BBX: variants seen among roughly 807,000 people sequenced by gnomAD.
The protein encoded by BBX is HMG box transcription factor BBX.
In BBX, 30 loss-of-function variants were observed where a neutral mutation model predicts 100.2. The ratio of observed to expected loss-of-function variants is 0.30; its 90% confidence interval spans 0.22 to 0.41. The LOEUF is 0.41. Ranked by LOEUF, BBX falls within the 10% of genes least tolerant of loss-of-function variation. The pLI is 1.00. For missense variants in BBX, 1,023 were observed against 1,129.8 expected, an observed-to-expected ratio of 0.91 and a Z score of 1.35; for synonymous variants, 376 against 388.1, an observed-to-expected ratio of 0.97 and a Z score of 0.37.
At chr3:107,701,150 G>A (rs1053628518) in intron 3 of BBX, among the ~76,000 whole-genome samples, 1 of 152,126 alleles carries the variant, frequency 6.6e-6, no homozygotes, top group Admixed American at 6.5e-5. Context: ...GTGTGAGATG[G>A]TATCTCGTTG....
intron 10 of BBX, among the ~76,000 whole-genome samples, chr3:107,770,800 T>C (rs76282863): frequency 0.021 from 3,246 of 152,284 alleles, 50 homozygotes; most frequent in South Asian, 0.048. Context: ...CTCCACCCTT[T>C]CTTTAATTTC....
chr3:107,746,617 C>G (rs140621323), intron 8 of BBX, among the ~76,000 whole-genome samples: 23 of 151,966 alleles, frequency 1.5e-4, no homozygotes, highest in African/African-American at 5.1e-4. Context: ...AGTCTCTCTA[C>G]TAATTTTTTT....
intron 5 of BBX, among the ~76,000 whole-genome samples, chr3:107,718,177 A>G (rs1249518516): frequency 2.7e-5 from 4 of 148,224 alleles, no homozygotes; most frequent in East Asian, 1.9e-4. Flanking sequence ...TTATATTACC[A>G]TAATTATTAA....
intron 2 of BBX, among the ~76,000 whole-genome samples, chr3:107,543,836 AAAG>A (rs747368504): frequency 1.3e-5 from 2 of 152,200 alleles, no homozygotes; most frequent in Non-Finnish European, 2.9e-5. Context: ...GATGAGGAGA[AAAG>A]AAGTTTGTAA....
intron 4 of BBX, among the ~76,000 whole-genome samples, chr3:107,714,770 T>C (rs2061982289): frequency 6.6e-6 from 1 of 152,126 alleles, no homozygotes; most frequent in Non-Finnish European, 1.5e-5. Context: ...TTGATTGCAT[T>C]TGAAATACTT....
At chr3:107,707,116 A>G (rs1164737933) in intron 3 of BBX, among the ~76,000 whole-genome samples, 5 of 152,210 alleles carry the variant, frequency 3.3e-5, no homozygotes, top group East Asian at 1.9e-4. Flanking sequence ...CATCTGAGGT[A>G]TACCATTTCC....
intron 2 of BBX, among the ~76,000 whole-genome samples, chr3:107,633,637 G>A (rs557134597): frequency 1.0e-3 from 158 of 152,324 alleles, no homozygotes; most frequent in African/African-American, 3.7e-3. Flanking sequence ...TAAGGCCTCA[G>A]TGCCCTGCAC....
Position 107,810,906 on chromosome 3 carries a change from C to G in BBX, c.*5449C>G, listed in dbSNP as rs112576336. 4.2e-5 allele frequency: 6 copies of G among 144,256 alleles called. No individual in the cohort carries two copies. The highest frequency in any genetic ancestry group is 1.2e-4 in the African/African-American group (5 of 40,858). 8.9% of individuals were successfully genotyped at this position (144,256 alleles called of 1,614,324 possible). The stretch of plus-strand genomic sequence containing the variant: ...GTTGACAGTTTCAGCATGACTGAAT[C>G]GCTCATTTTTTTTTTTTGCTTTCAG... On this transcript the variant is annotated 3_prime_UTR_variant, in exon 18 of 18. Coordinates refer to ENST00000325805, the MANE Select transcript of BBX (RefSeq NM_001142568.3).
At chr3:107,587,686 C>G (rs184072966) in intron 2 of BBX, among the ~76,000 whole-genome samples, 1 of 152,150 alleles carries the variant, frequency 6.6e-6, no homozygotes, top group African/African-American at 2.4e-5. Context: ...CGGGCCCCAA[C>G]TGAAATCATT....
intron 2 of BBX, among the ~76,000 whole-genome samples, chr3:107,583,540 A>G (rs899962194): frequency 1.3e-5 from 2 of 151,954 alleles, no homozygotes; most frequent in Non-Finnish European, 2.9e-5. Context: ...TATAGTATGT[A>G]ATGATCAAAT....
At chr3:107,713,685 A>G (rs902566584) in intron 4 of BBX, among the ~76,000 whole-genome samples, 6 of 152,188 alleles carry the variant, frequency 3.9e-5, no homozygotes, top group African/African-American at 1.4e-4. Flanking sequence ...ATTGGTCCAT[A>G]CAGTTCCAAA....
intron 2 of BBX, among the ~76,000 whole-genome samples, chr3:107,641,419 A>G (rs1186413313): frequency 6.6e-6 from 1 of 152,126 alleles, no homozygotes; most frequent in Non-Finnish European, 1.5e-5. Context: ...TCTTGGTTCA[A>G]TATTAAGTAC....
In BBX at chr3:107,759,195, C is replaced by T. The variant is rs60431316; in HGVS notation, c.906+3517C>T. Reference sequence around the variant, plus strand: ...CCAGGACCCTGGAGCCAGGAGATTTCCTGGGGAAGGTCCTAATTCAGGCAT... The same window carrying T: ...CCAGGACCCTGGAGCCAGGAGATTTTCTGGGGAAGGTCCTAATTCAGGCAT... On this transcript the variant is annotated intron_variant, in intron 10 of 17. Transcript: ENST00000325805. Among the ~76,000 whole-genome samples the T allele has an allele frequency of 3.1e-3, 467 of 152,226 alleles. 2 individuals are homozygous for T. The highest frequency in any genetic ancestry group is 0.011 in the African/African-American group (443 of 41,512).
intron 9 of BBX, among the ~76,000 whole-genome samples, chr3:107,749,018 C>T (rs2064849108): frequency 6.6e-6 from 1 of 151,746 alleles, no homozygotes; most frequent in African/African-American, 2.4e-5. Flanking sequence ...AAGCTGTTTC[C>T]TCTTGGGACA....
At chr3:107,578,213 T>C (rs2051954135) in intron 2 of BBX, among the ~76,000 whole-genome samples, 1 of 152,194 alleles carries the variant, frequency 6.6e-6, no homozygotes, top group Admixed American at 6.5e-5. Flanking sequence ...AAACAGTATC[T>C]AGAAGCATGG....
chr3:107,794,317 G>A (rs1342721855), intron 15 of BBX, among the ~76,000 whole-genome samples: 1 of 151,988 alleles, frequency 6.6e-6, no homozygotes. Context: ...CAAGCAGATA[G>A]GGAAGAAACC....
At chr3:107,566,700 G>A (rs1228556583) in intron 2 of BBX, among the ~76,000 whole-genome samples, 1 of 151,738 alleles carries the variant, frequency 6.6e-6, no homozygotes, top group Non-Finnish European at 1.5e-5. Context: ...CTTCATGTAG[G>A]CTTTGAAGTT....
chr3:107,695,794 G>T (rs1188607301), intron 3 of BBX, among the ~76,000 whole-genome samples: 4 of 151,282 alleles, frequency 2.6e-5, no homozygotes, highest in Non-Finnish European at 5.9e-5. Context: ...TTGACAGTGG[G>T]GTGTTAAAGT....
intron 2 of BBX, among the ~76,000 whole-genome samples, chr3:107,642,696 GA>G (rs2057289944): frequency 6.6e-6 from 1 of 152,110 alleles, no homozygotes; most frequent in Admixed American, 6.5e-5. Context: ...AGAGGATGAG[GA>G]AAAAATCCTT....
Sources: allele counts gnomAD v4.1 joint callset (sites outside exome capture counted in the v4.1 genomes callset), GRCh38; gene constraint gnomAD v4.1.1; transcripts MANE v1.5; gene names NCBI Gene and HGNC (gene_info 2026-07-23, HGNC 2026-07-21).